The following USP34 variants were observed in gnomAD, a reference collection of about 807,000 sequenced individuals.
USP34 encodes the protein ubiquitin carboxyl-terminal hydrolase 34.
A neutral mutation model predicts 460.3 loss-of-function variants in USP34; 70 were observed. The ratio of observed to expected loss-of-function variants is 0.15; its 90% CI spans 0.13 to 0.19. USP34 has a LOEUF of 0.19. USP34 is among the 10% of genes least tolerant of loss of function. USP34 has a pLI of 1.00. For missense variants in USP34, 3,985 were observed against 4,236.2 expected (o/e 0.94, Z 1.65); for synonymous variants, 1,647 against 1,405.3 (o/e 1.17, Z -3.85).
chr2:61,242,031 A>AT (rs1688277275), intron 51 of USP34, among the ~76,000 whole-genome samples: 1 of 151,978 alleles, frequency 6.6e-6, no homozygotes, highest in Non-Finnish European at 1.5e-5. Flanking sequence ...TATTTTTATT[A>AT]TTTTTAGATA....
In USP34 at chr2:61,265,973, A is replaced by C; in HGVS notation, c.5617+11T>G. The C allele has an allele frequency of 4.5e-6, 7 of 1,545,482 alleles. No homozygotes were observed. Among genetic ancestry groups the C allele is most frequent in the Non-Finnish European group, 6.1e-6 (7 of 1,138,922 alleles). On this transcript the variant is annotated intron_variant, in intron 42 of 79. Transcript: ENST00000398571. ...AATCTATAAAGATTAAAGGAAAAGAAGAATGCTTACACTGCATGTGTTGTG... is the reference window on the plus strand; with the variant it reads ...AATCTATAAAGATTAAAGGAAAAGACGAATGCTTACACTGCATGTGTTGTG...
At chr2:61,358,066 C>A (rs1692159491) in intron 10 of USP34, among the ~76,000 whole-genome samples, 1 of 152,120 alleles carries the variant, frequency 6.6e-6, no homozygotes, top group African/African-American at 2.4e-5. Flanking sequence ...GTGGCACATG[C>A]CTGTAGTCCC....
chr2:61,466,991 G>A (rs1695783068), intron 1 of USP34, among the ~76,000 whole-genome samples: 1 of 152,046 alleles, frequency 6.6e-6, no homozygotes, highest in Non-Finnish European at 1.5e-5. Context: ...AAGAAACAGT[G>A]TTTTTGGTTT....
chr2:61,280,953 T>C (rs1177722994), intron 38 of USP34, 137 bp downstream of exon 38: 1 of 889,032 alleles, frequency 1.1e-6, no homozygotes, highest in South Asian at 1.8e-5. Context: ...TTAAGTAGTA[T>C]ATAACTACTA....
chr2:61,288,649 T>A (rs1558511323), intron 34 of USP34, 28 bp downstream of exon 34: 1 of 1,599,714 alleles, frequency 6.3e-7, no homozygotes, highest in African/African-American at 1.3e-5. Context: ...ATGGAATTCA[T>A]CATTAAACAT....
At chr2:61,458,361 G>C (rs781358220) in intron 1 of USP34, among the ~76,000 whole-genome samples, 4 of 151,886 alleles carry the variant, frequency 2.6e-5, no homozygotes, top group Non-Finnish European at 5.9e-5. Context: ...AGGAGTTCAA[G>C]AGAAGCCTGG....
intron 23 of USP34, among the ~76,000 whole-genome samples, chr2:61,316,148 G>C (rs1449889060): frequency 6.6e-6 from 1 of 152,096 alleles, no homozygotes. Flanking sequence ...GGAGGTTGCA[G>C]TGAGCCAAGA....
At chr2:61,405,652 G>T in intron 3 of USP34, 56 bp downstream of exon 3, 1 of 1,422,672 alleles carries the variant, frequency 7.0e-7, no homozygotes, top group Non-Finnish European at 9.4e-7. Context: ...GTAAGAAACA[G>T]ACTGCGAAGT....
At chr2:61,250,900 AGG>A (rs1688560698) in intron 48 of USP34, among the ~76,000 whole-genome samples, 1 of 152,158 alleles carries the variant, frequency 6.6e-6, no homozygotes, top group Non-Finnish European at 1.5e-5. Context: ...GCACTTTGGG[AGG>A]CTGGAGCAGG....
intron 10 of USP34, among the ~76,000 whole-genome samples, chr2:61,357,455 T>C (rs1692141646): frequency 6.6e-6 from 1 of 152,142 alleles, no homozygotes; most frequent in South Asian, 2.1e-4. Flanking sequence ...TGAAAACTTA[T>C]GTTTACAAAT....
chr2:61,235,321 T>C (rs932617322), intron 57 of USP34, among the ~76,000 whole-genome samples: 1 of 88,254 alleles, frequency 1.1e-5, no homozygotes, highest in African/African-American at 4.7e-5. Flanking sequence ...GGAAAAAATT[T>C]TTTTTTCTTT....
chr2:61,310,191 G>A (rs931271752), intron 27 of USP34, among the ~76,000 whole-genome samples: 13 of 151,900 alleles, frequency 8.6e-5, no homozygotes, highest in South Asian at 6.2e-4. Flanking sequence ...TACACTCTAC[G>A]CACAATATAT....
intron 1 of USP34, among the ~76,000 whole-genome samples, chr2:61,437,817 A>ATAAAT (rs1553391325): frequency 1.0e-4 from 15 of 149,676 alleles, no homozygotes; most frequent in African/African-American, 2.4e-4. Flanking sequence ...AAATAAATAA[A>ATAAAT]AAACCTGAAC....
chr2:61,309,784 G>C (rs1466076977), intron 27 of USP34, among the ~76,000 whole-genome samples: 1 of 152,172 alleles, frequency 6.6e-6, no homozygotes, highest in African/African-American at 2.4e-5. Flanking sequence ...GGATATTCCA[G>C]TATTTTTATC....
At chr2:61,242,484 C>G (rs1489498332) in intron 51 of USP34, among the ~76,000 whole-genome samples, 1 of 151,470 alleles carries the variant, frequency 6.6e-6, no homozygotes, top group African/African-American at 2.4e-5. Context: ...CACACACACA[C>G]ACACACACAC....
intron 58 of USP34, among the ~76,000 whole-genome samples, chr2:61,231,202 G>C (rs888248824): frequency 1.3e-5 from 2 of 151,532 alleles, no homozygotes; most frequent in African/African-American, 4.8e-5. Context: ...AATCTATAAA[G>C]ATAGAAAGTA....
chr2:61,435,504 T>C (rs1694789183), intron 1 of USP34, among the ~76,000 whole-genome samples: 1 of 151,158 alleles, frequency 6.6e-6, no homozygotes, highest in Non-Finnish European at 1.5e-5. Context: ...AGCAAAGCTG[T>C]CCTGCAGAAA....
At position 61,235,715 on chromosome 2, in the gene USP34, G is replaced by T. The variant is rs965262303; in HGVS notation, c.7032+130C>A. 6 of 771,158 alleles carry T rather than the reference G, an allele frequency of 7.8e-6. No homozygotes were observed. In the African/African-American group the frequency reaches 8.9e-5, roughly 11 times the overall value. The allele number at this position is 771,158 out of a possible 1,614,324, so 47.8% of individuals were successfully genotyped here. ...ATTATAACTTTCTCAGCTACCAAATGATTTTAAGAATGACTTCCATTTGGC... is the reference window on the plus strand; with the variant it reads ...ATTATAACTTTCTCAGCTACCAAATTATTTTAAGAATGACTTCCATTTGGC... On this transcript the variant is annotated intron_variant, in intron 57 of 79. Transcript: ENST00000398571.
chr2:61,378,289 A>T (rs1218315284), intron 8 of USP34, 74 bp downstream of exon 8: 9 of 1,160,176 alleles, frequency 7.8e-6, no homozygotes, highest in Non-Finnish European at 1.1e-5. Context: ...TTAAATCTAA[A>T]AATTAGAATT....
Sources: allele counts gnomAD v4.1 joint callset (sites outside exome capture counted in the v4.1 genomes callset), GRCh38; gene constraint gnomAD v4.1.1; transcripts MANE v1.5; gene names NCBI Gene and HGNC (gene_info 2026-07-23, HGNC 2026-07-21).